RNU6-9: variants seen among roughly 807,000 people sequenced by gnomAD.
RNU6-9 encodes RNA, U6 small nuclear 9.
exon 1 of RNU6-9, chr19:893,559 A>G (rs1454919352): frequency 6.6e-6 from 1 of 151,408 alleles, no homozygotes; most frequent in Non-Finnish European, 1.5e-5. Context: ...CGCAAGGATG[A>G]CACGCAAATT....
At chr19:893,586 T>C (rs78469799) in exon 1 of RNU6-9, 14 of 40,602 alleles carry the variant, frequency 3.4e-4, no homozygotes, top group Admixed American at 7.7e-4. Flanking sequence ...GCGTTCCATA[T>C]TTTTTTTTTT....
exon 1 of RNU6-9, chr19:893,586 T>TG (rs1491220517): frequency 2.5e-5 from 1 of 40,594 alleles, no homozygotes; most frequent in South Asian, 6.0e-4. Context: ...GCGTTCCATA[T>TG]TTTTTTTTTT....
exon 1 of RNU6-9, chr19:893,507 A>G (rs1018249970): frequency 2.6e-5 from 4 of 152,214 alleles, no homozygotes; most frequent in African/African-American, 7.2e-5. Context: ...CAGCACATAT[A>G]CTAAAATTGG....
At chr19:893,509 TAA>T (rs2036688903) in exon 1 of RNU6-9, 1 of 152,156 alleles carries the variant, frequency 6.6e-6, no homozygotes, top group South Asian at 2.1e-4. Context: ...GCACATATAC[TAA>T]AATTGGAACG....
At chr19:893,527 G>C (rs558061095) in exon 1 of RNU6-9, 1 of 152,110 alleles carries the variant, frequency 6.6e-6, no homozygotes, top group African/African-American at 2.4e-5. Context: ...GAACGATACA[G>C]AGAAGATTAG....
chr19:893,580 TCCATA>T (rs1568336528), exon 1 of RNU6-9: 1 of 120,850 alleles, frequency 8.3e-6, no homozygotes, highest in Non-Finnish European at 1.9e-5. Context: ...CGTGAAGCGT[TCCATA>T]TTTTTTTTTT....
chr19:893,494 C>T (rs1006538378), exon 1 of RNU6-9: 24 of 152,150 alleles, frequency 1.6e-4, no homozygotes, highest in African/African-American at 4.8e-4. Context: ...GTGCTCGCTT[C>T]GGCAGCACAT....
exon 1 of RNU6-9, chr19:893,493 T>C (rs955050591): frequency 3.3e-5 from 5 of 152,234 alleles, no homozygotes; most frequent in African/African-American, 9.6e-5. Flanking sequence ...CGTGCTCGCT[T>C]CGGCAGCACA....
At chr19:893,526 A>G (rs1344872165) in exon 1 of RNU6-9, 2 of 152,136 alleles carry the variant, frequency 1.3e-5, no homozygotes, top group East Asian at 1.9e-4. Flanking sequence ...GGAACGATAC[A>G]GAGAAGATTA....
At chr19:893,550 G>GT (rs1251772447) in exon 1 of RNU6-9, 2 of 151,792 alleles carry the variant, frequency 1.3e-5, no homozygotes, top group Non-Finnish European at 2.9e-5. Context: ...TGGCCCCTGC[G>GT]CAAGGATGAC....
chr19:893,492 T>C (rs922317531), exon 1 of RNU6-9: 7 of 152,216 alleles, frequency 4.6e-5, no homozygotes, highest in Non-Finnish European at 1.0e-4. Context: ...TCGTGCTCGC[T>C]TCGGCAGCAC....
chr19:893,494 C>G (rs1006538378), exon 1 of RNU6-9: 1 of 152,150 alleles, frequency 6.6e-6, no homozygotes, highest in Non-Finnish European at 1.5e-5. Flanking sequence ...GTGCTCGCTT[C>G]GGCAGCACAT....
chr19:893,557 T>TGACA (rs2036692281), exon 1 of RNU6-9: 1 of 151,632 alleles, frequency 6.6e-6, no homozygotes, highest in African/African-American at 2.4e-5. Context: ...TGCGCAAGGA[T>TGACA]GACACGCAAA....
exon 1 of RNU6-9, chr19:893,537 G>A (rs1056349514): frequency 6.6e-6 from 1 of 151,978 alleles, no homozygotes; most frequent in Non-Finnish European, 1.5e-5. Flanking sequence ...GAGAAGATTA[G>A]CATGGCCCCT....
At chr19:893,588 T>G (rs933302782) in exon 1 of RNU6-9, 23 of 54,586 alleles carry the variant, frequency 4.2e-4, no homozygotes, top group Non-Finnish European at 1.1e-3. Flanking sequence ...GTTCCATATT[T>G]TTTTTTTTTT....
At chr19:893,504 T>C (rs1047746052) in exon 1 of RNU6-9, 1 of 152,176 alleles carries the variant, frequency 6.6e-6, no homozygotes, top group African/African-American at 2.4e-5. Context: ...CGGCAGCACA[T>C]ATACTAAAAT....
exon 1 of RNU6-9, chr19:893,525 C>G (rs1206350004): frequency 6.6e-6 from 1 of 151,958 alleles, no homozygotes; most frequent in Non-Finnish European, 1.5e-5. Flanking sequence ...TGGAACGATA[C>G]AGAGAAGATT....
At chr19:893,574 A>G (rs1167145971) in exon 1 of RNU6-9, 2 of 141,720 alleles carry the variant, frequency 1.4e-5, no homozygotes, top group African/African-American at 2.6e-5. Flanking sequence ...CAAATTCGTG[A>G]AGCGTTCCAT....
At chr19:893,557 T>C (rs1415419142) in exon 1 of RNU6-9, 1 of 151,632 alleles carries the variant, frequency 6.6e-6, no homozygotes, top group East Asian at 1.9e-4. Context: ...TGCGCAAGGA[T>C]GACACGCAAA....
Sources: allele counts gnomAD v4.1 joint callset, GRCh38; gene constraint gnomAD v4.1.1; transcripts MANE v1.5; gene names NCBI Gene and HGNC (gene_info 2026-07-23, HGNC 2026-07-21).